Variants in NCKAP1L observed in about 807,000 individuals in gnomAD.
NCKAP1L encodes the protein nck-associated protein 1-like.
NCKAP1L carries 53 observed loss-of-function variants against 139.2 expected under a neutral mutation model. The ratio of observed to expected loss-of-function variants is 0.38; its 90% CI spans 0.31 to 0.48. The LOEUF (loss-of-function observed/expected upper bound fraction) is 0.48, where lower values mean the gene tolerates loss of function less well. Ranked by LOEUF, NCKAP1L falls within the 20% of genes least tolerant of loss-of-function variation. The probability of loss-of-function intolerance (pLI) is 0.98; values close to 1 mark genes in which losing one functional copy is unlikely to be tolerated. For missense variants in NCKAP1L, 1,151 were observed against 1,381.9 expected, an observed-to-expected ratio of 0.83 and a Z score of 2.65; for synonymous variants, 468 against 499.7, an observed-to-expected ratio of 0.94 and a Z score of 0.85.
chr12:54,502,115 A>G (rs925723331), intron 3 of NCKAP1L, among the ~76,000 whole-genome samples: 1 of 152,204 alleles, frequency 6.6e-6, no homozygotes, highest in African/African-American at 2.4e-5. Flanking sequence ...GGAGTTCTCT[A>G]TACAGGTTGA....
chr12:54,518,896 C>A lies in NCKAP1L; in HGVS notation c.1421-18C>A. The stretch of plus-strand genomic sequence containing the variant: ...GTGCTGTTTATTGTTTCCTTTTATA[C>A]TTCCGTTTTTCTTGCAGTTGATAAT... On this transcript the variant is annotated intron_variant, in intron 14 of 30. Transcript: ENST00000293373. 6.2e-7 allele frequency: 1 copy of A among 1,610,804 alleles called. No homozygotes were observed. Among genetic ancestry groups the A allele is most frequent in the South Asian group, 1.1e-5 (1 of 90,992 alleles).
In NCKAP1L at chr12:54,508,380, T is replaced by C; in HGVS notation, c.364-9T>C. ...GCTGTCCTTGGGTTCCTATGTATTT[T>C]CCTTGTAGAATCTCAACTTTGATTT... On this transcript the variant is annotated splice_polypyrimidine_tract_variant and intron_variant, in intron 4 of 30. Transcript: ENST00000293373. 6.2e-7 allele frequency: 1 copy of C among 1,614,082 alleles called. No homozygotes were observed. Among genetic ancestry groups the C allele is most frequent in the Non-Finnish European group, 8.5e-7 (1 of 1,179,920 alleles).
At chr12:54,537,707 AT>A (rs1430135951) in intron 29 of NCKAP1L, among the ~76,000 whole-genome samples, 1 of 152,148 alleles carries the variant, frequency 6.6e-6, no homozygotes, top group Admixed American at 6.5e-5. Context: ...ACCTTAGTAG[AT>A]TAGGGTGGGG....
Position 54,536,967 on chromosome 12 carries a change from T to A in NCKAP1L, c.3097T>A (p.Leu1033Met). 1 of 1,613,228 alleles carries A rather than the reference T, an allele frequency of 6.2e-7. No individual in the cohort carries two copies. Among genetic ancestry groups the A allele is most frequent in the Admixed American group, 1.7e-5 (1 of 60,016 alleles). ...AGGTTACAACAACAATATTCATTGC[T>A]TGACCAAAGCCATCATCCAGGTGTC... ...KDGYNNNIHC[L>M]TKAIIQVSAA... The change falls in exon 29 of 31, where the codon TTG becomes ATG. Residue 1033 changes from leucine (L) to methionine (M), a missense_variant. Leu to Met is a conservative substitution (Grantham distance 15, BLOSUM62 2). Transcript: ENST00000293373.
At chr12:54,499,640 T>C (rs540110851) in intron 2 of NCKAP1L, among the ~76,000 whole-genome samples, 175 bp downstream of exon 2, 1 of 152,316 alleles carries the variant, frequency 6.6e-6, no homozygotes, top group East Asian at 1.9e-4. Flanking sequence ...CTTTAAGTCT[T>C]GAGCATTTTG....
At position 54,500,583 on chromosome 12, in the gene NCKAP1L, C is replaced by T. The variant is rs758349329; in HGVS notation, c.264C>T (p.Leu88=). ...HREKAEIIRF[L]TNYYQSFVDV... ...AAAAAGCCGAGATAATTAGATTCCTCACCAACTACTACCAGTCATTTGTGG... is the reference window on the plus strand; with the variant it reads ...AAAAAGCCGAGATAATTAGATTCCTTACCAACTACTACCAGTCATTTGTGG... Residue 88 remains leucine (L), a synonymous_variant, in exon 3 of 31, where the codon CTC becomes CTT. Transcript: ENST00000293373. The T allele has an allele frequency of 8.1e-5, 130 of 1,613,442 alleles. No individual in the cohort carries two copies. Among genetic ancestry groups the T allele is most frequent in the Non-Finnish European group, 6.7e-5 (79 of 1,179,494 alleles).
rs770318091 is a variant in NCKAP1L at position 54,536,940 on chromosome 12, C to T, written c.3074-4C>T. 1 of 1,598,570 alleles carries T rather than the reference C, an allele frequency of 6.3e-7. No homozygotes were observed. Among genetic ancestry groups the T allele is most frequent in the Non-Finnish European group, 8.6e-7 (1 of 1,166,778 alleles). On this transcript the variant is annotated splice_polypyrimidine_tract_variant and splice_region_variant and intron_variant, in intron 28 of 30. Transcript: ENST00000293373. ...TCTCTCCATCTATATCAATAATAAC[C>T]TAGGTTACAACAACAATATTCATTG...
chr12:54,538,770 G>A (rs1441136325), intron 29 of NCKAP1L, 114 bp from the exon 30 acceptor site: 1 of 782,874 alleles, frequency 1.3e-6, no homozygotes. Flanking sequence ...GAGTCTTCAG[G>A]AACATTCTAG....
At chr12:54,523,277 G>C in intron 18 of NCKAP1L, 117 bp from the exon 19 acceptor site, 2 of 1,205,622 alleles carry the variant, frequency 1.7e-6, no homozygotes, top group Non-Finnish European at 2.3e-6. Context: ...AGGAAAGAGA[G>C]AGGAAGGCAG....
chr12:54,509,246 T>C (rs951367597), intron 5 of NCKAP1L, among the ~76,000 whole-genome samples: 5 of 152,126 alleles, frequency 3.3e-5, no homozygotes, highest in African/African-American at 1.2e-4. Flanking sequence ...GGCACATCAT[T>C]CTATGATGAT....
chr12:54,539,656 T>C (rs117681202), intron 30 of NCKAP1L, among the ~76,000 whole-genome samples: 2,604 of 152,308 alleles, frequency 0.017, 41 homozygotes, highest in East Asian at 0.051. Flanking sequence ...GTAATGCACT[T>C]AGGTATGGAC....
chr12:54,536,047 G>A (rs995409327), intron 27 of NCKAP1L, 82 bp from the exon 28 acceptor site: 1 of 962,356 alleles, frequency 1.0e-6, no homozygotes, highest in Non-Finnish European at 1.7e-6. Flanking sequence ...CAGCAATTCT[G>A]TGAAGTAGGA....
At chr12:54,536,531 G>A in intron 28 of NCKAP1L, 1 of 339,698 alleles carries the variant, frequency 2.9e-6, no homozygotes, top group South Asian at 2.8e-5. Context: ...GGGCAGGGTG[G>A]CCTGTAGTCC....
chr12:54,499,383 C>G lies in NCKAP1L; in HGVS notation c.131C>G (p.Pro44Arg), dbSNP rs1592334251. 3.1e-6 allele frequency: 5 copies of G among 1,610,694 alleles called. 1 individual carries two copies. In the Middle Eastern group the frequency reaches 6.6e-4, roughly 213 times the overall value. ...TGTTCAGACCCCAAATCTAAGCCAC[C>G]TTTCTTACTGGAAAAGTCCATGGAA... ...KTCSDPKSKP[P>R]FLLEKSMEPS... The change falls in exon 2 of 31, where the codon CCT becomes CGT. Residue 44 changes from proline to arginine, a missense_variant. By Grantham distance (103) the Pro-to-Arg change is moderately radical (BLOSUM62 -2). Transcript: ENST00000293373.
In NCKAP1L at chr12:54,512,108, G is replaced by A. The variant is rs780304362; in HGVS notation, c.941+3G>A. On this transcript the variant is annotated splice_donor_region_variant and intron_variant, in intron 9 of 30. Coordinates refer to ENST00000293373, the MANE Select transcript of NCKAP1L (RefSeq NM_005337.5). ...GACCTGTTTAGCAGTTTGAAAGGGT[G>A]AGAGACACGAGAGCCAAACTGATCT... 1 of 1,613,530 alleles carries A rather than the reference G, an allele frequency of 6.2e-7. No homozygotes were observed. Among genetic ancestry groups the A allele is most frequent in the Non-Finnish European group, 8.5e-7 (1 of 1,179,784 alleles).
At chr12:54,532,729 C>T (rs1273962815) in intron 26 of NCKAP1L, among the ~76,000 whole-genome samples, 1 of 152,120 alleles carries the variant, frequency 6.6e-6, no homozygotes, top group African/African-American at 2.4e-5. Flanking sequence ...GTCTGTTTCA[C>T]CTGCCTCAGA....
In NCKAP1L at chr12:54,546,194, C is replaced by A. The variant is rs1035156889; in HGVS notation, c.*3509C>A. ...GTCAACATGGCGAACTCCGTCTCTA[C>A]AAAAAAATACGAAAATTAGCTGGGC... is the stretch of plus-strand genomic sequence containing the variant. On this transcript the variant is annotated 3_prime_UTR_variant, in exon 31 of 31. Coordinates refer to ENST00000293373, the MANE Select transcript of NCKAP1L (RefSeq NM_005337.5). 3 of 151,906 alleles carry A rather than the reference C, an allele frequency of 2.0e-5. No homozygotes were observed. The highest frequency in any genetic ancestry group is 4.4e-5 in the Non-Finnish European group (3 of 68,064). 9.4% of individuals were successfully genotyped at this position (151,906 alleles called of 1,614,324 possible).
Position 54,520,690 on chromosome 12 carries a change from G to A in NCKAP1L, c.1626-4G>A. 1 of 1,613,982 alleles carries A rather than the reference G, an allele frequency of 6.2e-7. No homozygotes were observed. Among genetic ancestry groups the A allele is most frequent in the Non-Finnish European group, 8.5e-7 (1 of 1,179,958 alleles). On this transcript the variant is annotated splice_polypyrimidine_tract_variant and splice_region_variant and intron_variant, in intron 16 of 30. Coordinates refer to ENST00000293373, the MANE Select transcript of NCKAP1L (RefSeq NM_005337.5). The stretch of plus-strand genomic sequence containing the variant: ...TGATTTAAAGTCTTCCCGTTTCTCT[G>A]CAGCTTTCATCTTCGTATCTTTGAG...
In NCKAP1L at chr12:54,510,648, T is replaced by C. The variant is rs112995229; in HGVS notation, c.735+663T>C. On this transcript the variant is annotated intron_variant, in intron 7 of 30. Coordinates refer to ENST00000293373, the MANE Select transcript of NCKAP1L (RefSeq NM_005337.5). ...CCTCAGCCTCCCAGGTAGCTGCGAC[T>C]ACAGGCATGTGCCGCCACACCTGGG... Among the ~76,000 whole-genome samples, 375 of 151,680 alleles carry C rather than the reference T, an allele frequency of 2.5e-3. 1 individual carries two copies. Among genetic ancestry groups the C allele is most frequent in the African/African-American group, 8.4e-3 (349 of 41,392 alleles).
Sources: gnomAD v4.1 joint callset for allele counts (sites outside exome capture counted in the v4.1 genomes callset) on GRCh38, gnomAD v4.1.1 for gene constraint, MANE v1.5 for transcripts, NCBI Gene and HGNC (gene_info 2026-07-23, HGNC 2026-07-21) for gene names.